Variants in MEIS2 observed in about 807,000 individuals in gnomAD.
MEIS2 encodes the protein Meis homeobox 2.
A neutral mutation model predicts 58.6 loss-of-function variants in MEIS2; 9 were observed. That is an observed-to-expected ratio of 0.15 (90% CI 0.09 to 0.27). The LOEUF (loss-of-function observed/expected upper bound fraction) is 0.27. MEIS2 is among the 10% of genes least tolerant of loss of function. The probability of loss-of-function intolerance (pLI) is 1.00; values close to 1 mark genes in which losing one functional copy is unlikely to be tolerated. For synonymous variants in MEIS2, 221 were observed against 228.4 expected (o/e 0.97, Z 0.29); for missense variants, 427 against 635.0 (o/e 0.67, Z 3.52).
chr15:36,892,401 C>G lies in MEIS2; in HGVS notation c.1206G>C (p.Met402Ile). 6.2e-7 allele frequency: 1 copy of G among 1,613,908 alleles called. No homozygotes were observed. Among genetic ancestry groups the G allele is most frequent in the East Asian group, 2.2e-5 (1 of 44,872 alleles). Residue 402 changes from methionine (M) to isoleucine (I), a missense_variant, in exon 12 of 12, where the codon ATG (methionine) becomes ATC (isoleucine). Physicochemically the swap from Met to Ile is conservative, Grantham distance 10. This residue lies in a region of MEIS2 where 154 missense variants were observed against 148.1 expected (regional missense o/e 1.04). Coordinates refer to ENST00000561208, the MANE Select transcript of MEIS2 (RefSeq NM_170675.5). ...VSQGGPMGMSMAQPSYTPPQM... is the reference protein window; with the variant it reads ...VSQGGPMGMSIAQPSYTPPQM... ...GGGGAGGAGTGTAACTTGGCTGTGCCATACTCATTCCCATAGGACCACCCT... is the reference window on the plus strand; with the variant it reads ...GGGGAGGAGTGTAACTTGGCTGTGCGATACTCATTCCCATAGGACCACCCT...
At chr15:36,919,768 A>G (rs985667155) in intron 9 of MEIS2, among the ~76,000 whole-genome samples, 3 of 152,196 alleles carry the variant, frequency 2.0e-5, no homozygotes, top group Non-Finnish European at 4.4e-5. Context: ...ATCTACAATG[A>G]CCCATTATTA....
rs895648729 is a variant in MEIS2 at position 36,889,716 on chromosome 15, T to A, written c.*2457A>T. The A allele has an allele frequency of 7.2e-5, 11 of 152,178 alleles. No homozygotes were observed. The highest frequency in any genetic ancestry group is 3.3e-4 in the Admixed American group (5 of 15,272). The allele number at this position is 152,178 out of a possible 1,614,324, so 9.4% of individuals were successfully genotyped here. The stretch of plus-strand genomic sequence containing the variant: ...TTACTGAGTGGAAAGAAAAAAAGGT[T>A]CTTTTTCCCACCTGATGTGAGAGTT... On this transcript the variant is annotated 3_prime_UTR_variant, in exon 12 of 12. Coordinates refer to ENST00000561208, the MANE Select transcript of MEIS2 (RefSeq NM_170675.5).
At chr15:37,063,287 T>C (rs1169446829) in intron 7 of MEIS2, among the ~76,000 whole-genome samples, 1 of 152,208 alleles carries the variant, frequency 6.6e-6, no homozygotes, top group Admixed American at 6.5e-5. Flanking sequence ...TGCCTCAGCC[T>C]CCCAAATAGA....
chr15:36,935,521 A>T (rs904026294), intron 9 of MEIS2, among the ~76,000 whole-genome samples: 4 of 152,168 alleles, frequency 2.6e-5, no homozygotes, highest in Non-Finnish European at 4.4e-5. Context: ...ATCTAATAAT[A>T]ATCAGGAAAG....
chr15:36,955,339 A>G (rs1478773207), intron 8 of MEIS2, among the ~76,000 whole-genome samples: 5 of 152,148 alleles, frequency 3.3e-5, no homozygotes, highest in Admixed American at 2.6e-4. Flanking sequence ...TTTCATTGTC[A>G]TGCTTTATTT....
chr15:37,064,036 G>T (rs1246488070), intron 7 of MEIS2, among the ~76,000 whole-genome samples: 1 of 152,000 alleles, frequency 6.6e-6, no homozygotes, highest in African/African-American at 2.4e-5. Context: ...TTTTATGGTG[G>T]GTTAAGTAAT....
intron 8 of MEIS2, among the ~76,000 whole-genome samples, chr15:37,000,197 A>G (rs2060670535): frequency 6.6e-6 from 1 of 152,240 alleles, no homozygotes; most frequent in Non-Finnish European, 1.5e-5. Flanking sequence ...GGACCTATGT[A>G]TCACAAGGTC....
chr15:36,906,862 C>G (rs1406138789), intron 9 of MEIS2, among the ~76,000 whole-genome samples: 1 of 152,114 alleles, frequency 6.6e-6, no homozygotes, highest in Non-Finnish European at 1.5e-5. Flanking sequence ...AGTTCTTTAT[C>G]TGACCATGAC....
chr15:37,098,334 G>C, intron 1 of MEIS2, 135 bp from the exon 2 acceptor site: 1 of 1,174,846 alleles, frequency 8.5e-7, no homozygotes, highest in Non-Finnish European at 1.1e-6. Flanking sequence ...AGAGAGGGAG[G>C]GAGGTAAGAG....
intron 9 of MEIS2, among the ~76,000 whole-genome samples, chr15:36,906,758 A>G (rs1224980394): frequency 1.3e-5 from 2 of 152,072 alleles, no homozygotes; most frequent in African/African-American, 4.8e-5. Context: ...AATATTCCAG[A>G]GCTGCAGGAG....
chr15:36,925,127 A>AAAAAAC (rs900251183), intron 9 of MEIS2, among the ~76,000 whole-genome samples: 2 of 152,206 alleles, frequency 1.3e-5, no homozygotes, highest in African/African-American at 4.8e-5. Flanking sequence ...CCCTAGCTCA[A>AAAAAAC]AAAAACAAAA....
chr15:37,026,728 T>C (rs1056577849), intron 8 of MEIS2, among the ~76,000 whole-genome samples: 2 of 152,236 alleles, frequency 1.3e-5, no homozygotes, highest in African/African-American at 2.4e-5. Context: ...TCATTTCTTG[T>C]CATCGCAGAA....
chr15:37,070,225 G>A (rs1293262093), intron 7 of MEIS2, among the ~76,000 whole-genome samples: 2 of 152,188 alleles, frequency 1.3e-5, no homozygotes, highest in Non-Finnish European at 2.9e-5. Flanking sequence ...TATAGTGGAA[G>A]TCCATGAGAC....
At chr15:37,050,694 C>T (rs2090904378) in intron 7 of MEIS2, 1 of 152,208 alleles carries the variant, frequency 6.6e-6, no homozygotes. Context: ...CACCCTGCCC[C>T]TCCACTCCCT....
chr15:36,943,588 A>G (rs1258820256), intron 9 of MEIS2, among the ~76,000 whole-genome samples: 1 of 152,126 alleles, frequency 6.6e-6, no homozygotes, highest in Non-Finnish European at 1.5e-5. Flanking sequence ...ACTGTTTCAG[A>G]AACTTGTTGC....
chr15:36,988,189 G>T (rs74008822), intron 8 of MEIS2, among the ~76,000 whole-genome samples: 1,802 of 152,216 alleles, frequency 0.012, 39 homozygotes, highest in African/African-American at 0.04. Flanking sequence ...ATAACAATTT[G>T]CTTGACTGCA....
At chr15:36,913,102 T>C (rs2057119093) in intron 9 of MEIS2, among the ~76,000 whole-genome samples, 1 of 152,188 alleles carries the variant, frequency 6.6e-6, no homozygotes, top group Non-Finnish European at 1.5e-5. Context: ...AGAACTATAC[T>C]GTTGTTTCTA....
Position 36,893,328 on chromosome 15 carries a change from T to C in MEIS2, c.1148-869A>G, listed in dbSNP as rs1237875268. ...TCTATTTAACCTCCAGTGCATACAG[T>C]TGAAAAGCTGAACAGATGTTTTTGA... On this transcript the variant is annotated intron_variant, in intron 11 of 11. Transcript: ENST00000561208. 2.6e-5 allele frequency among the ~76,000 whole-genome samples: 4 copies of C among 152,216 alleles called. No individual in the cohort carries two copies. The East Asian group carries it at 7.7e-4, about 29-fold the overall frequency.
chr15:37,062,830 A>G (rs144279063), intron 7 of MEIS2, among the ~76,000 whole-genome samples: 49 of 152,328 alleles, frequency 3.2e-4, no homozygotes, highest in Non-Finnish European at 5.6e-4. Context: ...CTGTGCCTTA[A>G]TCATCATCCT....
Sources: allele counts gnomAD v4.1 joint callset (sites outside exome capture counted in the v4.1 genomes callset), GRCh38; gene constraint gnomAD v4.1.1; regional missense constraint gnomAD v4.1.1; transcripts MANE v1.5; gene names NCBI Gene and HGNC (gene_info 2026-07-23, HGNC 2026-07-21).